CLEC2A: variants seen among roughly 807,000 people sequenced by gnomAD.
CLEC2A encodes the protein C-type lectin domain family 2 member A, also known as keratinocyte-associated C-type lectin.
In CLEC2A, 19 loss-of-function variants were observed where a neutral mutation model predicts 18.6. The observed-to-expected ratio is 1.02, with a 90% CI of 0.71 to 1.50. CLEC2A has a LOEUF of 1.50. CLEC2A is among the 40% of genes most tolerant of loss of function. CLEC2A has a pLI of 0.00. For synonymous variants in CLEC2A, 74 were observed against 64.0 expected (o/e 1.16, Z -0.75); for missense variants, 190 against 207.9 (o/e 0.91, Z 0.53).
intron 3 of CLEC2A, among the ~76,000 whole-genome samples, chr12:9,917,122 T>C (rs779738519): frequency 2.4e-4 from 37 of 152,214 alleles, no homozygotes; most frequent in Admixed American, 1.4e-3. Flanking sequence ...TATATAAATA[T>C]AATTTACTGC....
intron 4 of CLEC2A, among the ~76,000 whole-genome samples, chr12:9,916,486 T>C (rs896225926): frequency 6.6e-6 from 1 of 152,100 alleles, no homozygotes; most frequent in African/African-American, 2.4e-5. Context: ...AAATGGAAGA[T>C]TTCACCATGT....
the CLEC2A span, chr12:9,881,774 T>C: frequency 4.9e-6 from 4 of 811,772 alleles, no homozygotes; most frequent in East Asian, 2.7e-5. Flanking sequence ...ATAAGGAATA[T>C]AAAAATGGTC....
At chr12:9,915,079 G>T (rs1258256377) in intron 4 of CLEC2A, among the ~76,000 whole-genome samples, 1 of 151,844 alleles carries the variant, frequency 6.6e-6, no homozygotes, top group African/African-American at 2.4e-5. Flanking sequence ...CATTTATGCA[G>T]CCAACAAACA....
chr12:9,914,950 A>G (rs10845003), intron 4 of CLEC2A, among the ~76,000 whole-genome samples: 63,178 of 151,864 alleles, frequency 0.42, 14,220 homozygotes, highest in Non-Finnish European at 0.51. Context: ...AATTTTTGCA[A>G]TCTACCCATC....
chr12:9,888,634 T>C, the CLEC2A span: 3 of 635,080 alleles, frequency 4.7e-6, no homozygotes, highest in South Asian at 6.3e-5. Flanking sequence ...CAATTTTTAT[T>C]AGTATGCCTT....
chr12:9,909,526 T>G (rs982740269), downstream of CLEC2A, among the ~76,000 whole-genome samples: 4 of 152,106 alleles, frequency 2.6e-5, no homozygotes, highest in Non-Finnish European at 4.4e-5. Context: ...TCGATGAGGG[T>G]CATCTCACAG....
At chr12:9,893,415 T>C in the CLEC2A span, 2 of 1,191,598 alleles carry the variant, frequency 1.7e-6, no homozygotes, top group East Asian at 5.1e-5. Context: ...ATAAATGCAC[T>C]ATTTCTTCTG....
exon 5 of CLEC2A, chr12:9,898,831 G>A: frequency 2.9e-6 from 2 of 689,084 alleles, no homozygotes; most frequent in South Asian, 1.5e-5. Context: ...TAAGGATGAA[G>A]ACAGATTTAA....
At chr12:9,886,145 T>C in the CLEC2A span, among the ~76,000 whole-genome samples, 1 of 152,158 alleles carries the variant, frequency 6.6e-6, no homozygotes, top group Non-Finnish European at 1.5e-5. Flanking sequence ...TGTTGATGAA[T>C]TACTAGTAGT....
intron 4 of CLEC2A, chr12:9,899,002 A>G (rs1447762480): frequency 5.6e-6 from 4 of 708,924 alleles, no homozygotes; most frequent in Non-Finnish European, 1.0e-5. Flanking sequence ...GACAAACCGG[A>G]TTATTAGAAA....
chr12:9,890,422 C>T, the CLEC2A span, among the ~76,000 whole-genome samples: 2 of 152,156 alleles, frequency 1.3e-5, no homozygotes, highest in Admixed American at 6.6e-5. Flanking sequence ...CAAGCTCTCT[C>T]TTACGGTGTT....
At chr12:9,887,724 GTTTT>G in the CLEC2A span, among the ~76,000 whole-genome samples, 1 of 133,520 alleles carries the variant, frequency 7.5e-6, no homozygotes, top group African/African-American at 2.7e-5. Context: ...GGTCAAAAGA[GTTTT>G]TTTTTTTTTT....
intron 4 of CLEC2A, among the ~76,000 whole-genome samples, chr12:9,905,039 T>C (rs1034710639): frequency 6.6e-6 from 1 of 152,208 alleles, no homozygotes; most frequent in African/African-American, 2.4e-5. Flanking sequence ...TGAACAAGCA[T>C]CAAACTCGAG....
chr12:9,899,977 A>G (rs182250660), intron 4 of CLEC2A, among the ~76,000 whole-genome samples: 2 of 152,276 alleles, frequency 1.3e-5, no homozygotes, highest in African/African-American at 4.8e-5. Context: ...CCTTATCATA[A>G]GTTAAATGCT....
the CLEC2A span, among the ~76,000 whole-genome samples, chr12:9,891,775 G>C: frequency 3.3e-5 from 5 of 151,938 alleles, no homozygotes; most frequent in Admixed American, 3.3e-4. Flanking sequence ...CTAAATTTAG[G>C]TCATAATAAC....
chr12:9,891,906 T>G, the CLEC2A span, among the ~76,000 whole-genome samples: 1 of 152,192 alleles, frequency 6.6e-6, no homozygotes, highest in African/African-American at 2.4e-5. Flanking sequence ...AAAATATTAA[T>G]GAAAATATGA....
At chr12:9,916,834 C>T (rs1489301778) in intron 3 of CLEC2A, 31 bp from the exon 4 acceptor site, 1 of 1,312,858 alleles carries the variant, frequency 7.6e-7, no homozygotes, top group African/African-American at 1.5e-5. Flanking sequence ...TCAGCGATTA[C>T]TTAATATGTT....
chr12:9,885,072 G>T, the CLEC2A span: 1 of 708,734 alleles, frequency 1.4e-6, no homozygotes, highest in Non-Finnish European at 2.0e-6. Flanking sequence ...ATTTTCAGAA[G>T]ATAAATGTTG....
chr12:9,879,451 TTCAG>T, the CLEC2A span, among the ~76,000 whole-genome samples: 1 of 152,204 alleles, frequency 6.6e-6, no homozygotes, highest in African/African-American at 2.4e-5. Flanking sequence ...CGGAGGAAAC[TTCAG>T]TCATTTTCTT....
Sources: allele counts gnomAD v4.1 joint callset (sites outside exome capture counted in the v4.1 genomes callset), GRCh38; gene constraint gnomAD v4.1.1; transcripts MANE v1.5; gene names NCBI Gene and HGNC (gene_info 2026-07-23, HGNC 2026-07-21).